The following KMT2D variants were observed in gnomAD, a reference collection of about 807,000 sequenced individuals.
KMT2D encodes the protein histone-lysine N-methyltransferase 2D.
KMT2D carries 55 observed loss-of-function variants against 512.7 expected under a neutral mutation model. The observed-to-expected ratio is 0.11, with a 90% CI of 0.09 to 0.13. The LOEUF is 0.13. Among genes scored for constraint, KMT2D ranks in the 10% least tolerant of loss-of-function variants. KMT2D has a pLI of 1.00. For synonymous variants in KMT2D, 2,995 were observed against 2,904.0 expected, an observed-to-expected ratio of 1.03 and a Z score of -1.01; for missense variants, 6,061 against 7,127.9, an observed-to-expected ratio of 0.85 and a Z score of 5.39.
intron 51 of KMT2D, among the ~76,000 whole-genome samples, chr12:49,023,538 G>T (rs993215309): frequency 1.3e-5 from 2 of 152,216 alleles, no homozygotes; most frequent in Non-Finnish European, 2.9e-5. Flanking sequence ...CCATCCCAGA[G>T]CAGTGGTTTT....
At position 49,051,836 on chromosome 12, in the gene KMT2D, G is replaced by T. The variant is rs1421394707; in HGVS notation, c.1847C>A (p.Pro616His). The T allele has an allele frequency of 1.2e-6, 2 of 1,612,272 alleles. No homozygotes were observed. Among genetic ancestry groups the T allele is most frequent in the Non-Finnish European group, 1.7e-6 (2 of 1,179,088 alleles). ...SPLSPPPEES[P>H]LSPPPEASRL... Reference sequence around the variant, plus strand: ...TGATGCCTCAGGTGGTGGGGAAAGGGGAGACTCCTCAGGTGGAGGGGACAG... The same window carrying T: ...TGATGCCTCAGGTGGTGGGGAAAGGTGAGACTCCTCAGGTGGAGGGGACAG... Residue 616 changes from proline (P) to histidine (H), a missense_variant, in exon 11 of 55, where the codon CCC (proline) becomes CAC (histidine). By Grantham distance (77) the Pro-to-His change is moderately conservative. Transcript: ENST00000301067.
At position 49,021,414 on chromosome 12, in the gene KMT2D, C is replaced by CTG. The variant is rs1357874363; in HGVS notation, c.*364_*365dup. ...GGAGAGGTCAGTGGGAGCAGCAGGG[C>CTG]TGTGAGGCCCGGCCACACATCCTCT... On this transcript the variant is annotated 3_prime_UTR_variant, in exon 55 of 55. Coordinates refer to ENST00000301067, the MANE Select transcript of KMT2D (RefSeq NM_003482.4). The CTG allele has an allele frequency of 6.0e-6, 2 of 330,866 alleles. No homozygotes were observed. Among genetic ancestry groups the CTG allele is most frequent in the Non-Finnish European group, 1.1e-5 (2 of 178,590 alleles). The allele number at this position is 330,866 out of a possible 1,614,324, so 20.5% of individuals were successfully genotyped here.
intron 43 of KMT2D, 83 bp from the exon 44 acceptor site, chr12:49,029,559 TA>T: frequency 4.2e-6 from 4 of 951,684 alleles, no homozygotes; most frequent in Non-Finnish European, 6.6e-6. Flanking sequence ...TAGGCCTAAT[TA>T]GCATGAGATC....
intron 48 of KMT2D, among the ~76,000 whole-genome samples, chr12:49,027,555 T>C (rs535364492): frequency 1.4e-4 from 21 of 152,302 alleles, no homozygotes; most frequent in African/African-American, 3.8e-4. Context: ...GTTCAAGGGA[T>C]TCTCATGCCT....
rs763699658 is a variant in KMT2D, at chr12:49,054,642, C to T, written c.286G>A (p.Val96Met). The change falls in exon 4 of 55, where the codon GTG (valine) becomes ATG (methionine). Residue 96 changes from valine to methionine, a missense_variant. Val to Met is a conservative substitution (Grantham distance 21, BLOSUM62 1). This residue lies in a region of KMT2D where 144 missense variants were observed against 165.7 expected (regional missense o/e 0.87). Coordinates refer to ENST00000301067, the MANE Select transcript of KMT2D (RefSeq NM_003482.4). This position sits in a 1 kb window ranked among gnomAD's most constrained non-coding sequence, Gnocchi z 6.4. Reference protein sequence around the residue: ...ELPFDWPRCPVVSPGGSPGPN... With the variant: ...ELPFDWPRCPMVSPGGSPGPN... ...CCTGGGCTCCCCCCAGGGGACACCA[C>T]TGGACACCGGGGCCAATCAAATGGC... 2.5e-6 allele frequency: 4 copies of T among 1,613,084 alleles called. No homozygotes were observed. Among genetic ancestry groups the T allele is most frequent in the Non-Finnish European group, 3.4e-6 (4 of 1,179,470 alleles).
Position 49,044,784 on chromosome 12 carries a change from C to T in KMT2D, c.4923G>A (p.Lys1641=), listed in dbSNP as rs1410916032. 2 of 1,613,988 alleles carry T rather than the reference C, an allele frequency of 1.2e-6. No homozygotes were observed. The highest frequency in any genetic ancestry group is 2.2e-5 in the South Asian group (2 of 91,074). ...PSDALGPDDK[K]DGDLDTDELL... Reference sequence around the variant, plus strand: ...GCTCATCGGTGTCCAGGTCCCCATCCTTCTTGTCATCAGGGCCAAGGGCAT... The same window carrying T: ...GCTCATCGGTGTCCAGGTCCCCATCTTTCTTGTCATCAGGGCCAAGGGCAT... Residue 1641 remains lysine (K), a synonymous_variant, in exon 20 of 55, where the codon AAG becomes AAA. Coordinates refer to ENST00000301067, the MANE Select transcript of KMT2D (RefSeq NM_003482.4). The surrounding 1 kb of genome is among the most constrained non-coding windows in gnomAD (Gnocchi z 6.4).
intron 35 of KMT2D, among the ~76,000 whole-genome samples, chr12:49,036,804 C>T (rs551718293): frequency 6.6e-6 from 1 of 152,232 alleles, no homozygotes; most frequent in Non-Finnish European, 1.5e-5. Flanking sequence ...CTGGCCTCAA[C>T]TGCTTTTTTT....
At position 49,033,406 on chromosome 12, in the gene KMT2D, G is replaced by C. The variant is rs776808398; in HGVS notation, c.11299C>G (p.Gln3767Glu). The C allele has an allele frequency of 1.9e-6, 3 of 1,574,570 alleles. No individual in the cohort carries two copies. The highest frequency in any genetic ancestry group is 4.7e-5 in the East Asian group (2 of 42,510). ...CCCTGGGGCTTGGGACCCAGAGCTT[G>C]GTTTGTCTGTACTCCAGGACCCTGC... The part of the protein sequence containing the change: ...QQQGPGVQTN[Q>E]ALGPKPQGLM... The change falls in exon 40 of 55, where the codon CAA becomes GAA. Residue 3767 changes from glutamine to glutamate, a missense_variant. Gln to Glu is a conservative substitution (Grantham distance 29). Coordinates refer to ENST00000301067, the MANE Select transcript of KMT2D (RefSeq NM_003482.4).
In KMT2D at chr12:49,019,415, T is replaced by TAAA. The variant is rs147052695; in HGVS notation, c.*2362_*2364dup. 1 of 198,200 alleles carries TAAA rather than the reference T, an allele frequency of 5.0e-6. No homozygotes were observed. Among genetic ancestry groups the TAAA allele is most frequent in the Non-Finnish European group, 1.0e-5 (1 of 97,148 alleles). 12.3% of individuals were successfully genotyped at this position (198,200 alleles called of 1,614,324 possible). A position where few individuals can be genotyped will look rare whatever the true frequency, so the allele number is the denominator to read the frequency against. On this transcript the variant is annotated 3_prime_UTR_variant, in exon 55 of 55. Coordinates refer to ENST00000301067, the MANE Select transcript of KMT2D (RefSeq NM_003482.4). ...GATGCAATTATACAGGCAGGGTACTTAAAAAAAAAACCAACCAAAATTCCA... is the reference window on the plus strand; with the variant it reads ...GATGCAATTATACAGGCAGGGTACTTAAAAAAAAAAAAACCAACCAAAATTCCA...
chr12:49,036,199 A>G (rs1371508265), intron 35 of KMT2D, among the ~76,000 whole-genome samples: 1 of 152,126 alleles, frequency 6.6e-6, no homozygotes, highest in African/African-American at 2.4e-5. Context: ...TATGTCACTT[A>G]CTTCACTCGA....
In KMT2D at chr12:49,040,835, G is replaced by A. The variant is rs949690934; in HGVS notation, c.6935C>T (p.Ser2312Leu). 1.8e-5 allele frequency: 29 copies of A among 1,613,704 alleles called. No homozygotes were observed. Among genetic ancestry groups the A allele is most frequent in the Non-Finnish European group, 2.2e-5 (26 of 1,179,770 alleles). ...PNLGFVDSPSSGTHLGGLELK... is the reference protein window; with the variant it reads ...PNLGFVDSPSLGTHLGGLELK... ...CTCCAGGCCACCCAGGTGGGTGCCT[G>A]AGGAGGGTGAGTCAACAAAGCCCAG... Residue 2312 changes from serine to leucine, a missense_variant, in exon 32 of 55, where the codon TCA becomes TTA. Coordinates refer to ENST00000301067, the MANE Select transcript of KMT2D (RefSeq NM_003482.4).
At chr12:49,043,014 G>A in intron 26 of KMT2D, 62 bp downstream of exon 26, 1 of 1,558,960 alleles carries the variant, frequency 6.4e-7, no homozygotes. Context: ...CCCAAAGATA[G>A]GACCTCCTCC....
intron 19 of KMT2D, 63 bp from the exon 20 acceptor site, chr12:49,045,028 GT>G: frequency 1.4e-6 from 2 of 1,473,784 alleles, no homozygotes; most frequent in Non-Finnish European, 1.9e-6. Flanking sequence ...AGAACTGCAA[GT>G]TTCAACCTAT....
rs1210825325 is a variant in KMT2D at position 49,050,570 on chromosome 12, G to A, written c.3018C>T (p.Gly1006=). 1 of 1,603,990 alleles carries A rather than the reference G, an allele frequency of 6.2e-7. No individual in the cohort carries two copies. Among genetic ancestry groups the A allele is most frequent in the East Asian group, 2.2e-5 (1 of 44,642 alleles). The change falls in exon 12 of 55, where the codon GGC becomes GGT. Residue 1006 remains glycine, a synonymous_variant. Coordinates refer to ENST00000301067, the MANE Select transcript of KMT2D (RefSeq NM_003482.4). ...VPPMILPPSP[G]SPVGPASPIL... is the part of the protein sequence containing the mutation. ...TGGGAGAAGCCGGCCCCACTGGGGA[G>A]CCTGGAGATGGGGGAAGGATCATAG...
rs1209499444 is a variant in KMT2D, at chr12:49,034,596, C to A, written c.10426G>T (p.Ala3476Ser). 1.9e-6 allele frequency: 3 copies of A among 1,613,534 alleles called. No homozygotes were observed. The highest frequency in any genetic ancestry group is 1.7e-5 in the Admixed American group (1 of 59,936). ...TGACCACTTACCTGGCCACTCCCAGCTGCCACATGGTTCTGCAGATCACTG... is the reference window on the plus strand; with the variant it reads ...TGACCACTTACCTGGCCACTCCCAGATGCCACATGGTTCTGCAGATCACTG... Reference protein sequence around the residue: ...PSSDLQNHVAAGSGQERSAGD... With the variant: ...PSSDLQNHVASGSGQERSAGD... Residue 3476 changes from alanine (A) to serine (S), a missense_variant, in exon 37 of 55, where the codon GCT (alanine) becomes TCT (serine). Ala to Ser is a moderately conservative substitution (Grantham distance 99, BLOSUM62 1). This residue lies in a region of KMT2D where 533 missense variants were observed against 539.6 expected (regional missense o/e 0.99). Transcript: ENST00000301067.
rs761379287 is a variant in KMT2D at position 49,027,101 on chromosome 12, G to C, written c.14865C>G (p.Ser4955=). The C allele has an allele frequency of 1.6e-5, 26 of 1,606,490 alleles. No individual in the cohort carries two copies. In the East Asian group the frequency reaches 5.8e-4, roughly 36 times the overall value. ...GGGGCTTGGGTCGGGCTGATTCAGG[G>C]GATGAGGCCAGTGGCAGAGGTGAGG... is the stretch of plus-strand genomic sequence containing the variant. ...PVPSPLPLAS[S]PESARPKPRA... The change falls in exon 49 of 55, where the codon TCC becomes TCG. Residue 4955 remains serine (S), a synonymous_variant. Transcript: ENST00000301067.
In KMT2D at chr12:49,019,895, C is replaced by G. The variant is rs964802637; in HGVS notation, c.*1885G>C. On this transcript the variant is annotated 3_prime_UTR_variant, in exon 55 of 55. Transcript: ENST00000301067. ...AAATCACAACAGCGACCAAGCTCCC[C>G]CTCCAGCAGGCCCGCCCGTCCACCA... 1.3e-5 allele frequency: 3 copies of G among 231,668 alleles called. No homozygotes were observed. In the East Asian group the frequency reaches 1.8e-4, roughly 14 times the overall value. 14.4% of individuals were successfully genotyped at this position (231,668 alleles called of 1,614,324 possible). A position where few individuals can be genotyped will look rare whatever the true frequency, so the allele number is the denominator to read the frequency against.
chr12:49,041,589 G>T lies in KMT2D; in HGVS notation c.6235-54C>A, dbSNP rs1943533842. ...TCAGGCTGCTGCAGGCAGGCCCCAT[G>T]GCCCTCCACCCTCAAGAGAGGCCAC... On this transcript the variant is annotated intron_variant, in intron 31 of 54. Coordinates refer to ENST00000301067, the MANE Select transcript of KMT2D (RefSeq NM_003482.4). The surrounding 1 kb of genome is among the most constrained non-coding windows in gnomAD (Gnocchi z 5.4). 6 of 1,612,644 alleles carry T rather than the reference G, an allele frequency of 3.7e-6. No homozygotes were observed. The highest frequency in any genetic ancestry group is 1.1e-5 in the South Asian group (1 of 90,972).
Position 49,051,135 on chromosome 12 carries a change from G to A in KMT2D, c.2548C>T (p.His850Tyr). ...GGCTTCTCAAGCTCAGGGGACAGAT[G>A]CGATTCCTCAGGCCGGGGGGACAGG... ...PCLSPRPEES[H>Y]LSPELEKPPL... The change falls in exon 11 of 55, where the codon CAT (histidine) becomes TAT (tyrosine). Residue 850 changes from histidine (H) to tyrosine (Y), a missense_variant. Physicochemically the swap from His to Tyr is moderately conservative, Grantham distance 83. Transcript: ENST00000301067. The A allele has an allele frequency of 6.6e-7, 1 of 1,521,226 alleles. No homozygotes were observed. The allele number at this position is 1,521,226 out of a possible 1,614,324, so 94.2% of individuals were successfully genotyped here. A position where few individuals can be genotyped will look rare whatever the true frequency, so the allele number is the denominator to read the frequency against.
Sources: allele counts gnomAD v4.1 joint callset (sites outside exome capture counted in the v4.1 genomes callset), GRCh38; gene constraint gnomAD v4.1.1; regional missense constraint gnomAD v4.1.1; non-coding constraint Gnocchi (gnomAD v3.1); transcripts MANE v1.5; gene names NCBI Gene and HGNC (gene_info 2026-07-23, HGNC 2026-07-21).